Variants in DYM observed in about 807,000 individuals in gnomAD.
DYM encodes dyggve-Melchior-Clausen syndrome protein.
In DYM, 78 loss-of-function variants were observed where a neutral mutation model predicts 93.1. The ratio of observed to expected loss-of-function variants is 0.84; its 90% CI spans 0.70 to 1.01. DYM has a LOEUF of 1.01. Among genes scored for constraint, DYM ranks in the 50% least tolerant of loss-of-function variants. The pLI is 0.00. For synonymous variants in DYM, 321 were observed against 319.7 expected (o/e 1.00, Z -0.04); for missense variants, 789 against 845.0 (o/e 0.93, Z 0.82).
chr18:49,189,582 CA>C (rs1488861287), intron 14 of DYM, among the ~76,000 whole-genome samples: 2 of 152,088 alleles, frequency 1.3e-5, no homozygotes, highest in East Asian at 3.9e-4. Flanking sequence ...AAAATAAATC[CA>C]AATAACCCAA....
intron 16 of DYM, among the ~76,000 whole-genome samples, chr18:49,109,530 T>C (rs910994086): frequency 6.6e-6 from 1 of 152,204 alleles, no homozygotes; most frequent in Non-Finnish European, 1.5e-5. Context: ...AGTTAACAAG[T>C]TATCCAGTCT....
intron 1 of DYM, among the ~76,000 whole-genome samples, chr18:49,444,182 T>C (rs924364785): frequency 6.6e-5 from 10 of 152,208 alleles, no homozygotes; most frequent in Admixed American, 6.5e-4. Flanking sequence ...TCTGAATCTA[T>C]CATGTGTTAT....
rs2079235218 is a variant in DYM at position 49,093,262 on chromosome 18, A to C, written c.2025+4140T>G. 2.0e-5 allele frequency: 3 copies of C among 152,226 alleles called. 1 individual carries two copies. The South Asian group carries it at 6.2e-4, about 32-fold the overall frequency. 9.4% of individuals were successfully genotyped at this position (152,226 alleles called of 1,614,324 possible). On this transcript the variant is annotated intron_variant, in intron 17 of 17. Transcript: ENST00000675505. The stretch of plus-strand genomic sequence containing the variant: ...CTGTGAGAACCCAGAAGCTGCATAC[A>C]CAAAGGCCTGGCATGCAAGGACTCT...
intron 16 of DYM, among the ~76,000 whole-genome samples, chr18:49,105,590 A>C (rs980613532): frequency 6.6e-6 from 1 of 152,176 alleles, no homozygotes; most frequent in Non-Finnish European, 1.5e-5. Flanking sequence ...TGTGTCCCAG[A>C]GATTCTGGTA....
chr18:49,269,714 A>G (rs2094643107), intron 11 of DYM, among the ~76,000 whole-genome samples: 1 of 152,204 alleles, frequency 6.6e-6, no homozygotes, highest in African/African-American at 2.4e-5. Flanking sequence ...AGCACAACAC[A>G]TTATTCATGT....
chr18:49,211,566 T>C (rs1287801270), intron 13 of DYM, among the ~76,000 whole-genome samples: 1 of 152,166 alleles, frequency 6.6e-6, no homozygotes, highest in Non-Finnish European at 1.5e-5. Flanking sequence ...AGATTTGAAA[T>C]GGGCAAATTT....
intron 15 of DYM, among the ~76,000 whole-genome samples, chr18:49,132,164 G>A (rs1287485454): frequency 6.6e-6 from 1 of 152,012 alleles, no homozygotes; most frequent in Non-Finnish European, 1.5e-5. Context: ...TTTTAGAGAT[G>A]CATACCAAAA....
intron 5 of DYM, among the ~76,000 whole-genome samples, chr18:49,366,876 G>C (rs932841957): frequency 2.6e-5 from 4 of 152,108 alleles, no homozygotes; most frequent in African/African-American, 9.7e-5. Flanking sequence ...TACAGATGAA[G>C]ACATCAAGGC....
chr18:49,202,611 T>G (rs1268413267), intron 14 of DYM, among the ~76,000 whole-genome samples: 2 of 111,536 alleles, frequency 1.8e-5, no homozygotes, highest in African/African-American at 3.6e-5. Context: ...CGGCCGCCCA[T>G]TGTCTGAGAT....
intron 2 of DYM, among the ~76,000 whole-genome samples, chr18:49,403,715 C>A (rs2148075819): frequency 6.6e-6 from 1 of 152,192 alleles, no homozygotes; most frequent in South Asian, 2.1e-4. Flanking sequence ...AAGTACCCAA[C>A]AGTTTTTTAA....
In DYM at chr18:49,286,533, G is replaced by T. The variant is rs1425940447; in HGVS notation, c.847C>A (p.Gln283Lys). The T allele has an allele frequency of 3.1e-6, 5 of 1,614,042 alleles. No homozygotes were observed. The highest frequency in any genetic ancestry group is 1.6e-4 in the Middle Eastern group (1 of 6,082). ...SPELSSPLAN[Q>K]SLLLLLVLAN... ...AACACCAGCAGAAGCAGGAGACTCTGGTTGGCCAGAGGGGAAGAAAGCTCT... is the reference window on the plus strand; with the variant it reads ...AACACCAGCAGAAGCAGGAGACTCTTGTTGGCCAGAGGGGAAGAAAGCTCT... Residue 283 changes from glutamine (Q) to lysine (K), a missense_variant, in exon 9 of 18, where the codon CAG (glutamine) becomes AAG (lysine). Gln to Lys is a moderately conservative substitution (Grantham distance 53, BLOSUM62 1). Around this residue, in one of 3 missense-constraint regions of DYM, gnomAD observed 450 missense variants for 436.2 expected, o/e 1.03. Coordinates refer to ENST00000675505, the MANE Select transcript of DYM (RefSeq NM_001353214.3).
At chr18:49,258,872 AG>A (rs2094443667) in intron 11 of DYM, among the ~76,000 whole-genome samples, 1 of 144,950 alleles carries the variant, frequency 6.9e-6, no homozygotes, top group Non-Finnish European at 1.5e-5. Context: ...AGAGAGAGAG[AG>A]AGAGAGAGAG....
At chr18:49,255,672 CAAA>C (rs1172353065) in intron 13 of DYM, among the ~76,000 whole-genome samples, 4 of 75,366 alleles carry the variant, frequency 5.3e-5, no homozygotes, top group Non-Finnish European at 8.1e-5. Flanking sequence ...GACTCTGTCT[CAAA>C]AAAAAAAAAA....
rs1022886605 is a variant in DYM, at chr18:49,230,166, A to G, written c.1461-20451T>C. ...TATGTGTTTGTCAACTCAAAGAACT[A>G]TTTACTAAAAGGGAAATTTTCTACA... On this transcript the variant is annotated intron_variant, in intron 13 of 17. Transcript: ENST00000675505. 2.6e-5 allele frequency among the ~76,000 whole-genome samples: 4 copies of G among 152,274 alleles called. No homozygotes were observed. In the South Asian group the frequency reaches 6.2e-4, roughly 24 times the overall value.
Position 49,364,712 on chromosome 18 carries a change from C to T in DYM, c.422-1479G>A, listed in dbSNP as rs35392618. 9.0e-3 allele frequency among the ~76,000 whole-genome samples: 1,367 copies of T among 152,282 alleles called. 12 individuals are homozygous for T. Among genetic ancestry groups the T allele is most frequent in the South Asian group, 0.028 (135 of 4,826 alleles). On this transcript the variant is annotated intron_variant, in intron 5 of 17. Coordinates refer to ENST00000675505, the MANE Select transcript of DYM (RefSeq NM_001353214.3). ...GATATAGGTCCTGCATCCCTTTCTA[C>T]ATTTATCTTCCTCCAGTACTGCAGT...
chr18:49,295,081 G>C (rs1397393714), intron 8 of DYM, among the ~76,000 whole-genome samples: 1 of 151,586 alleles, frequency 6.6e-6, no homozygotes. Context: ...AAGTAATGAG[G>C]ATACAAGCAT....
chr18:49,435,423 T>TA (rs58887917), intron 1 of DYM, among the ~76,000 whole-genome samples: 18,907 of 124,444 alleles, frequency 0.15, 1,478 homozygotes, highest in African/African-American at 0.22. Flanking sequence ...ACTAAAACAG[T>TA]AAAAAAAAAA....
At chr18:49,045,231 C>A (rs1341170304) in intron 17 of DYM, among the ~76,000 whole-genome samples, 1 of 152,194 alleles carries the variant, frequency 6.6e-6, no homozygotes, top group Non-Finnish European at 1.5e-5. Context: ...GGAAACCACA[C>A]ACTTCCCCAC....
chr18:49,049,008 A>T (rs1010504840), intron 17 of DYM, among the ~76,000 whole-genome samples: 1 of 152,246 alleles, frequency 6.6e-6, no homozygotes, highest in Admixed American at 6.5e-5. Flanking sequence ...TCTCAGGAAC[A>T]TCCAGTATAT....
Sources: gnomAD v4.1 joint callset for allele counts (sites outside exome capture counted in the v4.1 genomes callset) on GRCh38, gnomAD v4.1.1 for gene constraint, gnomAD v4.1.1 regional missense constraint, MANE v1.5 for transcripts, NCBI Gene and HGNC (gene_info 2026-07-23, HGNC 2026-07-21) for gene names.